SLX4: variants seen among roughly 807,000 people sequenced by gnomAD.
SLX4 encodes the protein structure-specific endonuclease subunit SLX4.
A neutral mutation model predicts 146.2 loss-of-function variants in SLX4; 112 were observed. The ratio of observed to expected loss-of-function variants is 0.77; its 90% CI spans 0.66 to 0.90. The LOEUF is 0.90. Ranked by LOEUF, SLX4 falls within the 40% of genes least tolerant of loss-of-function variation. The probability of loss-of-function intolerance (pLI) is 0.00; values close to 1 mark genes in which losing one functional copy is unlikely to be tolerated. For synonymous variants in SLX4, 1,061 were observed against 997.7 expected (o/e 1.06, Z -1.20); for missense variants, 2,563 against 2,392.7 (o/e 1.07, Z -1.49).
intron 7 of SLX4, 146 bp from the exon 8 acceptor site, chr16:3,596,539 C>T: frequency 4.1e-6 from 4 of 969,250 alleles, no homozygotes; most frequent in Non-Finnish European, 5.9e-6. Context: ...CCCGGGGCTC[C>T]AGCCACAGCC....
intron 13 of SLX4, among the ~76,000 whole-genome samples, chr16:3,583,972 C>A (rs2040475677): frequency 6.6e-6 from 1 of 152,112 alleles, no homozygotes. Flanking sequence ...CTACTCCAGC[C>A]TGGGCAACAG....
intron 13 of SLX4, among the ~76,000 whole-genome samples, chr16:3,583,924 G>A (rs181301237): frequency 5.4e-4 from 82 of 152,158 alleles, no homozygotes; most frequent in Middle Eastern, 3.4e-3. Flanking sequence ...GCTTAAGCCC[G>A]GGAGGCTGAG....
chr16:3,582,594 G>A lies in SLX4; in HGVS notation c.5253C>T (p.Asp1751=), dbSNP rs748978984. 1.2e-6 allele frequency: 2 copies of A among 1,613,594 alleles called. No individual in the cohort carries two copies. The highest frequency in any genetic ancestry group is 1.7e-5 in the Admixed American group (1 of 60,022). ...SASQAAVQAA[D]TDEALRCYIR... Reference sequence around the variant, plus strand: ...TGTAGCACCTCAGCGCCTCGTCTGTGTCCGCCGCCTGCACGGCTGCCTGCG... The same window carrying A: ...TGTAGCACCTCAGCGCCTCGTCTGTATCCGCCGCCTGCACGGCTGCCTGCG... The change falls in exon 15 of 15, where the codon GAC becomes GAT. Residue 1751 remains aspartate, a synonymous_variant. Coordinates refer to ENST00000294008, the MANE Select transcript of SLX4 (RefSeq NM_032444.4).
chr16:3,582,185 G>A lies in SLX4; in HGVS notation c.*157C>T, dbSNP rs1596514035. 6 of 641,772 alleles carry A rather than the reference G, an allele frequency of 9.3e-6. No individual in the cohort carries two copies. The highest frequency in any genetic ancestry group is 1.9e-5 in the South Asian group (1 of 53,094). 39.8% of individuals were successfully genotyped at this position (641,772 alleles called of 1,614,324 possible). The stretch of plus-strand genomic sequence containing the variant: ...AGCCCAGAGGAGGAAGCCCTGGATT[G>A]GGCTGTGGTCATCATCACAGCGCAG... On this transcript the variant is annotated 3_prime_UTR_variant, in exon 15 of 15. Transcript: ENST00000294008.
At chr16:3,600,633 T>C (rs1027591360) in intron 5 of SLX4, 1 of 131,100 alleles carries the variant, frequency 7.6e-6, no homozygotes, top group Admixed American at 8.5e-5. Context: ...AGACAGGATC[T>C]CACTCTGTCC....
At chr16:3,606,425 G>A (rs1596532957) in intron 3 of SLX4, 49 bp downstream of exon 3, 1 of 1,594,708 alleles carries the variant, frequency 6.3e-7, no homozygotes, top group Non-Finnish European at 8.6e-7. Flanking sequence ...CTTCCTCAGA[G>A]TTGTATTAAC....
rs370748316 is a variant in SLX4 at position 3,608,969 on chromosome 16, G to A, written c.-5C>T. On this transcript the variant is annotated 5_prime_UTR_variant, in exon 2 of 15. Coordinates refer to ENST00000294008, the MANE Select transcript of SLX4 (RefSeq NM_032444.4). Reference sequence around the variant, plus strand: ...CTCATTCACACTCAGTTTCATTAGGGTTCTTCTCTACTTCTCCATTAGATA... The same window carrying A: ...CTCATTCACACTCAGTTTCATTAGGATTCTTCTCTACTTCTCCATTAGATA... 6.4e-5 allele frequency: 103 copies of A among 1,611,702 alleles called. No individual in the cohort carries two copies. The highest frequency in any genetic ancestry group is 8.6e-5 in the Non-Finnish European group (102 of 1,179,924).
rs369843531 is a variant in SLX4, at chr16:3,581,968, G to A, written c.*374C>T. 1.7e-4 allele frequency: 46 copies of A among 277,896 alleles called. No individual in the cohort carries two copies. The highest frequency in any genetic ancestry group is 1.3e-3 in the Admixed American group (26 of 20,796). 17.2% of individuals were successfully genotyped at this position (277,896 alleles called of 1,614,324 possible). ...TGAGGCAGGAGAATTGCTTGAACCC[G>A]GGAGGCGGAGGTTGCAGTGAGCCGA... is the stretch of plus-strand genomic sequence containing the variant. On this transcript the variant is annotated 3_prime_UTR_variant, in exon 15 of 15. Coordinates refer to ENST00000294008, the MANE Select transcript of SLX4 (RefSeq NM_032444.4).
Position 3,597,941 on chromosome 16 carries a change from G to T in SLX4, c.1222C>A (p.Arg408=), listed in dbSNP as rs758029323. 6.2e-7 allele frequency: 1 copy of T among 1,614,152 alleles called. No individual in the cohort carries two copies. Among genetic ancestry groups the T allele is most frequent in the South Asian group, 1.1e-5 (1 of 91,084 alleles). Residue 408 remains arginine, a synonymous_variant, in exon 6 of 15, where the codon CGG becomes AGG. Coordinates refer to ENST00000294008, the MANE Select transcript of SLX4 (RefSeq NM_032444.4). The surrounding 1 kb of genome is among the most constrained non-coding windows in gnomAD (Gnocchi z 4.4). ...GCCTCGTCCACCTTCCGCCTCTTCC[G>T]TGGCTCCTTCTTGCTGGTGGGTCCT... ...RRGPTSKKEP[R]KRRKVDEAPS... is the part of the protein sequence containing the mutation.
chr16:3,582,680 C>CA lies in SLX4; in HGVS notation c.5166dup (p.Glu1723Ter). 1 of 1,612,334 alleles carries CA rather than the reference C, an allele frequency of 6.2e-7. No homozygotes were observed. ...GCAGACTCAAATGCCGCTCCAAACT[C>CA]ACAGGAGGAAGAACTGAAAAGAGCC... On this transcript the variant is annotated frameshift_variant, in exon 15 of 15. Coordinates refer to ENST00000294008, the MANE Select transcript of SLX4 (RefSeq NM_032444.4). LOFTEE classifies it low-confidence loss of function (END_TRUNC).
rs760941208 is a variant in SLX4 at position 3,592,835 on chromosome 16, C to T, written c.2191G>A (p.Asp731Asn). Residue 731 changes from aspartate (D) to asparagine (N), a missense_variant, in exon 11 of 15, where the codon GAC (aspartate) becomes AAC (asparagine). Coordinates refer to ENST00000294008, the MANE Select transcript of SLX4 (RefSeq NM_032444.4). ...AGGACACGCTGGGTCAGAACCCCGT[C>T]CTCTACAGCGGAGAAGCCTTCATTG... ...VNNEGFSAVE[D>N]GVLTQRVLLG... 3.1e-6 allele frequency: 5 copies of T among 1,612,192 alleles called. No individual in the cohort carries two copies. The Admixed American group carries it at 8.3e-5, about 27-fold the overall frequency.
intron 7 of SLX4, 56 bp from the exon 8 acceptor site, chr16:3,596,449 C>T (rs1292344821): frequency 6.5e-7 from 1 of 1,528,404 alleles, no homozygotes; most frequent in South Asian, 1.2e-5. Context: ...GACGCACACA[C>T]TGCAGAAGCC....
Position 3,589,670 on chromosome 16 carries a change from G to T in SLX4, c.3968C>A (p.Ser1323Ter). Reference protein sequence around the residue: ...PQTPPPQTPSSCLTPVSPGTS... With the variant: ...PQTPPPQTPS ...TCCTGGAGAGACGGGAGTGAGGCAT[G>T]AGGACGGTGTCTGGGGCGGTGGTGT... The change falls in exon 12 of 15, where the codon TCA (serine) becomes TAA (stop). Residue 1323 changes from serine (S) to a stop codon, truncating the protein, a stop_gained. Coordinates refer to ENST00000294008, the MANE Select transcript of SLX4 (RefSeq NM_032444.4). LOFTEE classifies it high-confidence loss of function. This position sits in a 1 kb window ranked among gnomAD's most constrained non-coding sequence, Gnocchi z 6.2. The T allele has an allele frequency of 6.2e-7, 1 of 1,614,080 alleles. No homozygotes were observed. Among genetic ancestry groups the T allele is most frequent in the South Asian group, 1.1e-5 (1 of 91,082 alleles).
Position 3,609,211 on chromosome 16 carries a change from A to G in SLX4, c.-247T>C, listed in dbSNP as rs1483229294. On this transcript the variant is annotated 5_prime_UTR_variant, in exon 2 of 15. Transcript: ENST00000294008. Reference sequence around the variant, plus strand: ...CACCTGAGGTCAGAAGTTCGAGACCAGCCTGGCCAATATGGTGAAACCTCG... The same window carrying G: ...CACCTGAGGTCAGAAGTTCGAGACCGGCCTGGCCAATATGGTGAAACCTCG... 4 of 448,412 alleles carry G rather than the reference A, an allele frequency of 8.9e-6. No individual in the cohort carries two copies. Among genetic ancestry groups the G allele is most frequent in the South Asian group, 2.3e-5 (1 of 43,396 alleles). The allele number at this position is 448,412 out of a possible 1,614,324, so 27.8% of individuals were successfully genotyped here.
chr16:3,589,860 T>G lies in SLX4; in HGVS notation c.3778A>C (p.Thr1260Pro), dbSNP rs773956906. ...TCACGGCTTCTGCTGGCCAGCGGGG[T>G]GGCGGGCACCAGCCACGAGGTGTCT... ...TTDTSWLVPA[T>P]PLASRSRDCS... Residue 1260 changes from threonine to proline, a missense_variant, in exon 12 of 15, where the codon ACC becomes CCC. By Grantham distance (38) the Thr-to-Pro change is conservative (BLOSUM62 -1). Transcript: ENST00000294008. This position sits in a 1 kb window ranked among gnomAD's most constrained non-coding sequence, Gnocchi z 6.2. The G allele has an allele frequency of 3.1e-6, 5 of 1,612,518 alleles. No individual in the cohort carries two copies.
rs760477564 is a variant in SLX4 at position 3,606,657 on chromosome 16, A to G, written c.577T>C (p.Leu193=). 2 of 1,614,194 alleles carry G rather than the reference A, an allele frequency of 1.2e-6. No homozygotes were observed. The highest frequency in any genetic ancestry group is 1.7e-6 in the Non-Finnish European group (2 of 1,180,042). The part of the protein sequence containing the change: ...NSDSQPPPSC[L]TTAVPSPSKP... ...GAGGGACTTGGCACTGCTGTTGTCA[A>G]ACAGGAAGGAGGAGGCTGGGAGTCG... The change falls in exon 3 of 15, where the codon TTG becomes CTG. Residue 193 remains leucine, a synonymous_variant. Transcript: ENST00000294008.
rs545473220 is a variant in SLX4, at chr16:3,603,557, C to T, written c.761-1250G>A. ...CTGTGGACCCTGGGGTGGCCTGAGACTCCTCCGTGCTACTGCAGTGAAATC... is the reference window on the plus strand; with the variant it reads ...CTGTGGACCCTGGGGTGGCCTGAGATTCCTCCGTGCTACTGCAGTGAAATC... On this transcript the variant is annotated intron_variant, in intron 3 of 14. Transcript: ENST00000294008. 1.3e-4 allele frequency among the ~76,000 whole-genome samples: 20 copies of T among 152,332 alleles called. 1 individual carries two copies. In the South Asian group the frequency reaches 4.1e-3, roughly 32 times the overall value.
At position 3,591,273 on chromosome 16, in the gene SLX4, C is replaced by A. The variant is rs1367313449; in HGVS notation, c.2365G>T (p.Val789Leu). The A allele has an allele frequency of 4.3e-6, 7 of 1,612,578 alleles. No individual in the cohort carries two copies. The highest frequency in any genetic ancestry group is 2.5e-6 in the Non-Finnish European group (3 of 1,180,032). ...VSELVHLCEQVPIATDSEGKP... is the reference protein window; with the variant it reads ...VSELVHLCEQLPIATDSEGKP... ...CCCTCTGAGTCAGTGGCAATAGGCA[C>A]CTGTTCGCACAGGTGAACGAGCTCA... The change falls in exon 12 of 15, where the codon GTG becomes TTG. Residue 789 changes from valine to leucine, a missense_variant. Val to Leu is a conservative substitution (Grantham distance 32, BLOSUM62 1). Coordinates refer to ENST00000294008, the MANE Select transcript of SLX4 (RefSeq NM_032444.4).
At position 3,591,115 on chromosome 16, in the gene SLX4, T is replaced by A; in HGVS notation, c.2523A>T (p.Glu841Asp). 1 of 1,614,248 alleles carries A rather than the reference T, an allele frequency of 6.2e-7. No individual in the cohort carries two copies. Among genetic ancestry groups the A allele is most frequent in the Non-Finnish European group, 8.5e-7 (1 of 1,180,046 alleles). ...CTGCTTCATTCACGTTTTCTTGATC[T>A]TCTTCGTGGTCCTTGGATTTCAACA... ...ETLLKSKDHEEDQENVNEAEM... is the reference protein window; with the variant it reads ...ETLLKSKDHEDDQENVNEAEM... The change falls in exon 12 of 15, where the codon GAA (glutamate) becomes GAT (aspartate). Residue 841 changes from glutamate (E) to aspartate (D), a missense_variant. Glu to Asp is a conservative substitution (Grantham distance 45). Transcript: ENST00000294008.
Sources: allele counts gnomAD v4.1 joint callset (sites outside exome capture counted in the v4.1 genomes callset), GRCh38; gene constraint gnomAD v4.1.1; non-coding constraint Gnocchi (gnomAD v3.1); transcripts MANE v1.5; gene names NCBI Gene and HGNC (gene_info 2026-07-23, HGNC 2026-07-21).